Variants in TBC1D9B observed in about 807,000 individuals in gnomAD.
TBC1D9B encodes TBC1 domain family member 9B.
In TBC1D9B, 87 loss-of-function variants were observed where a neutral mutation model predicts 121.1. The ratio of observed to expected loss-of-function variants is 0.72; its 90% CI spans 0.60 to 0.86. The LOEUF (loss-of-function observed/expected upper bound fraction) is 0.86. Among genes scored for constraint, TBC1D9B ranks in the 40% least tolerant of loss-of-function variants. The pLI is 0.00. For synonymous variants in TBC1D9B, 668 were observed against 670.1 expected (o/e 1.00, Z 0.05); for missense variants, 1,540 against 1,628.6 (o/e 0.95, Z 0.94).
Position 179,907,638 on chromosome 5 carries a change from C to T in TBC1D9B, c.118+66G>A. The T allele has an allele frequency of 1.1e-6, 1 of 873,260 alleles. No individual in the cohort carries two copies. The highest frequency in any genetic ancestry group is 1.4e-6 in the Non-Finnish European group (1 of 730,320). 54.1% of individuals were successfully genotyped at this position (873,260 alleles called of 1,614,324 possible). A position where few individuals can be genotyped will look rare whatever the true frequency, so the allele number is the denominator to read the frequency against. On this transcript the variant is annotated intron_variant, in intron 1 of 20. Coordinates refer to ENST00000355235, the MANE Select transcript of TBC1D9B (RefSeq NM_015043.4). The surrounding 1 kb of genome is among the most constrained non-coding windows in gnomAD (Gnocchi z 5.3). Reference sequence around the variant, plus strand: ...GCCGGAACCGGACCCGCCCGCCGCCCGCCGCCAGCCCCGCCGCCAGCCCAG... The same window carrying T: ...GCCGGAACCGGACCCGCCCGCCGCCTGCCGCCAGCCCCGCCGCCAGCCCAG...
Position 179,893,357 on chromosome 5 carries a change from T to C in TBC1D9B, c.688A>G (p.Met230Val), listed in dbSNP as rs145950699. 1 of 1,614,060 alleles carries C rather than the reference T, an allele frequency of 6.2e-7. No individual in the cohort carries two copies. The highest frequency in any genetic ancestry group is 1.3e-5 in the African/African-American group (1 of 75,014). Residue 230 changes from methionine (M) to valine (V), a missense_variant, in exon 5 of 21, where the codon ATG becomes GTG. Coordinates refer to ENST00000355235, the MANE Select transcript of TBC1D9B (RefSeq NM_015043.4). ...DTRDQELFFS[M>V]FLNIGETFKL... is the part of the protein sequence containing the mutation. Reference sequence around the variant, plus strand: ...AAGGTCTCGCCGATGTTGAGGAACATGGAGAAGAAGAGCTCCTGGTCGCGG... The same window carrying C: ...AAGGTCTCGCCGATGTTGAGGAACACGGAGAAGAAGAGCTCCTGGTCGCGG...
At chr5:179,866,584 C>T (rs2113600503) in intron 18 of TBC1D9B, 1 of 152,506 alleles carries the variant, frequency 6.6e-6, no homozygotes, top group South Asian at 2.1e-4. Flanking sequence ...GGCAACTCAC[C>T]CTGGAATGGA....
rs1183331586 is a variant in TBC1D9B at position 179,881,946 on chromosome 5, G to A, written c.1255-2157C>T. Among the ~76,000 whole-genome samples, 12 of 128,286 alleles carry A rather than the reference G, an allele frequency of 9.4e-5. No individual in the cohort carries two copies. The South Asian group carries it at 2.4e-3, about 25-fold the overall frequency. 84.2% of individuals were successfully genotyped at this position (128,286 alleles called of 152,430 possible). ...TTCCATATCTTTCCATATACCTTCC[G>A]TTTTTTTTTTTTTTTTGAGATGGAG... is the stretch of plus-strand genomic sequence containing the variant. On this transcript the variant is annotated intron_variant, in intron 7 of 20. Coordinates refer to ENST00000355235, the MANE Select transcript of TBC1D9B (RefSeq NM_015043.4).
rs564767635 is a variant in TBC1D9B at position 179,873,246 on chromosome 5, T to C, written c.2189A>G (p.Tyr730Cys). The C allele has an allele frequency of 6.2e-6, 10 of 1,604,954 alleles. No homozygotes were observed. The highest frequency in any genetic ancestry group is 2.7e-5 in the African/African-American group (2 of 74,926). ...CTGCTTGTTGACCACATTATCCAGG[T>C]ATCTGCAAAGGACAGAGGACAACAG... ...EGEAMTMLGR[Y>C]LDNVVNKQSV... The change falls in exon 13 of 21, where the codon TAC becomes TGC. Residue 730 changes from tyrosine (Y) to cysteine (C), a missense_variant and splice_region_variant. Coordinates refer to ENST00000355235, the MANE Select transcript of TBC1D9B (RefSeq NM_015043.4).
intron 4 of TBC1D9B, 143 bp downstream of exon 4, chr5:179,894,243 C>G (rs1211772698): frequency 9.0e-6 from 7 of 773,680 alleles, no homozygotes; most frequent in Non-Finnish European, 1.4e-5. Context: ...CAAGGCCGGA[C>G]AGTCCCATCT....
At position 179,873,041 on chromosome 5, in the gene TBC1D9B, C is replaced by T. The variant is rs749791171; in HGVS notation, c.2317-51G>A. The T allele has an allele frequency of 2.5e-6, 4 of 1,613,214 alleles. No homozygotes were observed. The Admixed American group carries it at 6.7e-5, about 27-fold the overall frequency. ...ATCAAGCCAACTGCAGGGCAGAGGG[C>T]CACCACCTGCCCATAGCCACCCCAA... On this transcript the variant is annotated intron_variant, in intron 13 of 20. Transcript: ENST00000355235.
Position 179,907,884 on chromosome 5 carries a change from C to CCGGAGCGGAGCGTGCGGAGCGGAGCGTG in TBC1D9B, c.-64_-63insCACGCTCCGCTCCGCACGCTCCGCTCCG, listed in dbSNP as rs1460932227. The CCGGAGCGGAGCGTGCGGAGCGGAGCGTG allele has an allele frequency of 1.4e-4, 131 of 937,278 alleles. No individual in the cohort carries two copies. In the East Asian group the frequency reaches 3.4e-3, roughly 24 times the overall value. 58.1% of individuals were successfully genotyped at this position (937,278 alleles called of 1,614,324 possible). A position where few individuals can be genotyped will look rare whatever the true frequency, so the allele number is the denominator to read the frequency against. On this transcript the variant is annotated 5_prime_UTR_variant, in exon 1 of 21. Coordinates refer to ENST00000355235, the MANE Select transcript of TBC1D9B (RefSeq NM_015043.4). The surrounding 1 kb of genome is among the most constrained non-coding windows in gnomAD (Gnocchi z 5.3). ...GGAAGCGCCCGCCGCCGTCGGCGTC[C>CCGGAGCGGAGCGTGCGGAGCGGAGCGTG]CGGAGCGGAGCGTGCGGAGCGGAGC...
intron 16 of TBC1D9B, 21 bp downstream of exon 16, chr5:179,870,234 G>C: frequency 6.2e-7 from 1 of 1,612,904 alleles, no homozygotes; most frequent in Non-Finnish European, 8.5e-7. Context: ...CAAGCCCCTG[G>C]TAGGCCCTGC....
rs190825894 is a variant in TBC1D9B at position 179,865,124 on chromosome 5, C to T, written c.3021+130G>A. Reference sequence around the variant, plus strand: ...ATCGCTGACTGGCAACCAGGACTAACGGGCTCTAGAGGCAGGGAGGAGCCT... The same window carrying T: ...ATCGCTGACTGGCAACCAGGACTAATGGGCTCTAGAGGCAGGGAGGAGCCT... On this transcript the variant is annotated intron_variant, in intron 20 of 20. Coordinates refer to ENST00000355235, the MANE Select transcript of TBC1D9B (RefSeq NM_015043.4). The surrounding 1 kb of genome is among the most constrained non-coding windows in gnomAD (Gnocchi z 5.1). 3.4e-4 allele frequency: 275 copies of T among 815,268 alleles called. No individual in the cohort carries two copies. The African/African-American group carries it at 3.6e-3, about 11-fold the overall frequency. 50.5% of individuals were successfully genotyped at this position (815,268 alleles called of 1,614,324 possible). A position where few individuals can be genotyped will look rare whatever the true frequency, so the allele number is the denominator to read the frequency against.
At chr5:179,895,046 A>G (rs1236508859) in intron 3 of TBC1D9B, among the ~76,000 whole-genome samples, 2 of 152,068 alleles carry the variant, frequency 1.3e-5, no homozygotes, top group Non-Finnish European at 2.9e-5. Context: ...CTTTTTGTAG[A>G]AATGGGGTTT....
intron 7 of TBC1D9B, 72 bp downstream of exon 7, chr5:179,888,031 C>A: frequency 6.4e-7 from 1 of 1,572,028 alleles, no homozygotes; most frequent in Non-Finnish European, 8.7e-7. Flanking sequence ...CAGGCTCCAG[C>A]GGGGAGGCTG....
chr5:179,896,564 C>T (rs1010722994), intron 3 of TBC1D9B, among the ~76,000 whole-genome samples: 1 of 152,182 alleles, frequency 6.6e-6, no homozygotes, highest in Non-Finnish European at 1.5e-5. Context: ...ACTCTATTGC[C>T]CAGGCTGGAA....
Position 179,871,452 on chromosome 5 carries a change from G to A in TBC1D9B, c.2484+10C>T, listed in dbSNP as rs781250653. On this transcript the variant is annotated intron_variant, in intron 15 of 20. Transcript: ENST00000355235. ...TAGGAACGGGTCCTGCCCTGGCTCT[G>A]AGCTGTCACCTTAAACACCATGTAA... 1 of 1,612,110 alleles carries A rather than the reference G, an allele frequency of 6.2e-7. No individual in the cohort carries two copies. Among genetic ancestry groups the A allele is most frequent in the East Asian group, 2.2e-5 (1 of 44,880 alleles).
rs1175553209 is a variant in TBC1D9B at position 179,869,819 on chromosome 5, C to T, written c.2741G>A (p.Gly914Glu). Residue 914 changes from glycine (G) to glutamate (E), a missense_variant, in exon 17 of 21, where the codon GGG (glycine) becomes GAG (glutamate). Transcript: ENST00000355235. ...CACCTTGAGCTTCTCTGTCAGGTCC[C>T]CGTGGTACATCCCGCCTGTGGAGAA... The part of the protein sequence containing the change: ...FVTGMSGMYH[G>E]DLTEKLKVLY... 8 of 1,562,840 alleles carry T rather than the reference C, an allele frequency of 5.1e-6. No homozygotes were observed. Among genetic ancestry groups the T allele is most frequent in the Non-Finnish European group, 6.9e-6 (8 of 1,152,330 alleles).
At chr5:179,878,640 G>T in intron 9 of TBC1D9B, 117 bp from the exon 10 acceptor site, 1 of 1,011,432 alleles carries the variant, frequency 9.9e-7, no homozygotes, top group Non-Finnish European at 1.5e-6. Flanking sequence ...TTGGGGTCAA[G>T]CACAAGCTGC....
chr5:179,879,603 T>C (rs899082707), intron 8 of TBC1D9B, 25 bp downstream of exon 8: 3 of 1,613,452 alleles, frequency 1.9e-6, no homozygotes, highest in Admixed American at 1.7e-5. Context: ...TGACGGAGGC[T>C]GGAGTGCCGG....
At position 179,904,807 on chromosome 5, in the gene TBC1D9B, G is replaced by C. The variant is rs1355848305; in HGVS notation, c.124C>G (p.Leu42Val). The stretch of plus-strand genomic sequence containing the variant: ...AGCACCACGTCCAGGGTGCCCACGA[G>C]AAGACCTGGGAACAGGGCAGAGAGA... ...HGRGGGLTGL[L>V]VGTLDVVLDS... The change falls in exon 2 of 21, where the codon CTC (leucine) becomes GTC (valine). Residue 42 changes from leucine (L) to valine (V), a missense_variant. By Grantham distance (32) the Leu-to-Val change is conservative. Transcript: ENST00000355235. This position sits in a 1 kb window ranked among gnomAD's most constrained non-coding sequence, Gnocchi z 4.2. The C allele has an allele frequency of 6.4e-7, 1 of 1,558,624 alleles. No individual in the cohort carries two copies. Among genetic ancestry groups the C allele is most frequent in the South Asian group, 1.2e-5 (1 of 84,530 alleles).
chr5:179,907,655 C>A lies in TBC1D9B; in HGVS notation c.118+49G>T. 6 of 946,476 alleles carry A rather than the reference C, an allele frequency of 6.3e-6. No homozygotes were observed. The highest frequency in any genetic ancestry group is 7.5e-6 in the Non-Finnish European group (6 of 796,636). 58.6% of individuals were successfully genotyped at this position (946,476 alleles called of 1,614,324 possible). ...CCGCCGCCCGCCGCCAGCCCCGCCGCCAGCCCAGCCGCGGCGCCCACAGGC... is the reference window on the plus strand; with the variant it reads ...CCGCCGCCCGCCGCCAGCCCCGCCGACAGCCCAGCCGCGGCGCCCACAGGC... On this transcript the variant is annotated intron_variant, in intron 1 of 20. Transcript: ENST00000355235. This position sits in a 1 kb window ranked among gnomAD's most constrained non-coding sequence, Gnocchi z 5.3.
intron 7 of TBC1D9B, among the ~76,000 whole-genome samples, chr5:179,884,702 T>C (rs765007307): frequency 2.6e-5 from 4 of 152,144 alleles, no homozygotes; most frequent in Non-Finnish European, 5.9e-5. Context: ...TTGAGCACGC[T>C]ACAACAGGGA....
Sources: allele counts gnomAD v4.1 joint callset (sites outside exome capture counted in the v4.1 genomes callset), GRCh38; gene constraint gnomAD v4.1.1; non-coding constraint Gnocchi (gnomAD v3.1); transcripts MANE v1.5; gene names NCBI Gene and HGNC (gene_info 2026-07-23, HGNC 2026-07-21).